The following HDAC9 variants were observed in gnomAD, a reference collection of about 807,000 sequenced individuals.
HDAC9 encodes histone deacetylase 9, also known as MEF-2 interacting transcription repressor (MITR) protein.
HDAC9 carries 41 observed loss-of-function variants against 139.4 expected under a neutral mutation model. The ratio of observed to expected loss-of-function variants is 0.29; its 90% CI spans 0.23 to 0.38. The LOEUF (loss-of-function observed/expected upper bound fraction) is 0.38. Ranked by LOEUF, HDAC9 falls within the 10% of genes least tolerant of loss-of-function variation. The pLI is 1.00. For synonymous variants in HDAC9, 517 were observed against 476.2 expected (o/e 1.09, Z -1.12); for missense variants, 1,147 against 1,297.0 (o/e 0.88, Z 1.78).
At chr7:18,659,272 C>T (rs1240892198) in intron 11 of HDAC9, among the ~76,000 whole-genome samples, 1 of 152,140 alleles carries the variant, frequency 6.6e-6, no homozygotes, top group African/African-American at 2.4e-5. Context: ...ATATAATTTA[C>T]ACAGAGGTGA....
At chr7:18,144,782 G>A (rs996013565) in intron 1 of HDAC9, among the ~76,000 whole-genome samples, 3 of 151,926 alleles carry the variant, frequency 2.0e-5, no homozygotes, top group Non-Finnish European at 4.4e-5. Context: ...CAGTCACTGT[G>A]CTAGCAGTTT....
intron 2 of HDAC9, among the ~76,000 whole-genome samples, chr7:18,198,889 C>G (rs1790909045): frequency 6.6e-6 from 1 of 151,882 alleles, no homozygotes; most frequent in Non-Finnish European, 1.5e-5. Context: ...TCAAATAGAA[C>G]TTATTTTGCC....
chr7:18,231,343 G>C (rs958307060), intron 2 of HDAC9, among the ~76,000 whole-genome samples: 2 of 152,178 alleles, frequency 1.3e-5, no homozygotes, highest in African/African-American at 4.8e-5. Context: ...AGTGGCATCT[G>C]CGTTTCTCCC....
intron 6 of HDAC9, among the ~76,000 whole-genome samples, chr7:18,617,333 C>G (rs1381754891): frequency 6.6e-6 from 1 of 152,136 alleles, no homozygotes; most frequent in Non-Finnish European, 1.5e-5. Flanking sequence ...CTTATTCCCT[C>G]TCTGACCTCT....
intron 6 of HDAC9, among the ~76,000 whole-genome samples, chr7:18,612,003 C>G (rs2128911913): frequency 6.6e-6 from 1 of 152,178 alleles, no homozygotes; most frequent in Non-Finnish European, 1.5e-5. Flanking sequence ...CATAAACAAA[C>G]TTTCAGAACT....
At chr7:18,826,130 T>C (rs888571578) in intron 17 of HDAC9, among the ~76,000 whole-genome samples, 6 of 152,114 alleles carry the variant, frequency 3.9e-5, no homozygotes, top group Admixed American at 3.3e-4. Flanking sequence ...GGAACCCAGA[T>C]TGCATTAGGA....
intron 1 of HDAC9, among the ~76,000 whole-genome samples, chr7:18,377,422 A>G (rs1346329877): frequency 6.6e-6 from 1 of 152,186 alleles, no homozygotes; most frequent in Non-Finnish European, 1.5e-5. Context: ...AATGTTGTCA[A>G]TATTTTTCTA....
chr7:18,320,770 C>T (rs999694905), intron 1 of HDAC9, among the ~76,000 whole-genome samples: 3 of 152,134 alleles, frequency 2.0e-5, no homozygotes, highest in Non-Finnish European at 4.4e-5. Context: ...CCCCCCACCC[C>T]AGTTGTCACA....
chr7:18,591,965 G>A (rs1050188761), intron 5 of HDAC9, among the ~76,000 whole-genome samples: 1 of 152,156 alleles, frequency 6.6e-6, no homozygotes, highest in African/African-American at 2.4e-5. Context: ...TGACAAATGT[G>A]AGGTGGGCAA....
Position 18,104,624 on chromosome 7 carries a change from TC to T in HDAC9, c.-97+17416del, listed in dbSNP as rs370904765. Among the ~76,000 whole-genome samples the T allele has an allele frequency of 8.1e-4, 123 of 152,176 alleles. 2 individuals carry two copies. In the East Asian group the frequency reaches 0.02, roughly 25 times the overall value. ...TATACCATTTCACACTGTTTACTAC[TC>T]CCCCTTTTGGAAATGATCATCCCAG... On this transcript the variant is annotated intron_variant, in intron 1 of 12. Transcript: ENST00000417496.
chr7:18,617,193 C>T lies in HDAC9; in HGVS notation c.665-12157C>T, dbSNP rs147881121. The stretch of plus-strand genomic sequence containing the variant: ...TATTAACCACTGATTCCATCATACT[C>T]CTGTCCAGTCAATCCTTTGACTTTC... On this transcript the variant is annotated intron_variant, in intron 6 of 25. Coordinates refer to ENST00000686413, the MANE Select transcript of HDAC9 (RefSeq NM_178425.4). 3.5e-3 allele frequency among the ~76,000 whole-genome samples: 538 copies of T among 152,194 alleles called. 1 individual carries two copies. The highest frequency in any genetic ancestry group is 0.012 in the African/African-American group (514 of 41,538).
In HDAC9 at chr7:18,490,361, C is replaced by G. The variant is rs185687548; in HGVS notation, c.-41-5901C>G. On this transcript the variant is annotated intron_variant, in intron 1 of 3. Transcript: ENST00000413509. ...TCTAAAAATAGAATAAATCTTGGCTCAACACATCCCATTTGAAGGGAAGAG... is the reference window on the plus strand; with the variant it reads ...TCTAAAAATAGAATAAATCTTGGCTGAACACATCCCATTTGAAGGGAAGAG... 8.4e-3 allele frequency among the ~76,000 whole-genome samples: 1,273 copies of G among 152,122 alleles called. 17 individuals are homozygous for G. Among genetic ancestry groups the G allele is most frequent in the African/African-American group, 0.029 (1,209 of 41,544 alleles).
chr7:18,286,313 T>G (rs562398498), upstream of HDAC9, among the ~76,000 whole-genome samples: 1 of 151,494 alleles, frequency 6.6e-6, no homozygotes, highest in Non-Finnish European at 1.5e-5. Flanking sequence ...CATGGTTCAA[T>G]TAGTCCCTCT....
At chr7:18,850,237 A>G (rs571314809) in intron 21 of HDAC9, among the ~76,000 whole-genome samples, 8 of 152,348 alleles carry the variant, frequency 5.3e-5, no homozygotes, top group Non-Finnish European at 1.0e-4. Context: ...TTCCTTGAAT[A>G]GCACAAAAGC....
intron 19 of HDAC9, among the ~76,000 whole-genome samples, chr7:18,831,315 A>G (rs778933812): frequency 4.6e-5 from 7 of 152,208 alleles, no homozygotes; most frequent in Non-Finnish European, 8.8e-5. Flanking sequence ...ATAAATGGAT[A>G]CTTTGTATTT....
At chr7:18,433,769 G>C (rs1790905749) in intron 1 of HDAC9, among the ~76,000 whole-genome samples, 2 of 152,174 alleles carry the variant, frequency 1.3e-5, no homozygotes, top group Admixed American at 6.5e-5. Context: ...AGAAGTCAGA[G>C]ACAGCACAAA....
chr7:18,180,927 G>A (rs1789371114), intron 2 of HDAC9, among the ~76,000 whole-genome samples: 1 of 152,146 alleles, frequency 6.6e-6, no homozygotes, highest in Admixed American at 6.5e-5. Context: ...GGCATTCTTT[G>A]GTTTGTGACT....
chr7:18,887,280 G>A (rs1341809129), intron 22 of HDAC9, among the ~76,000 whole-genome samples: 1 of 152,184 alleles, frequency 6.6e-6, no homozygotes, highest in South Asian at 2.1e-4. Context: ...GGTCTGGAGA[G>A]GGTACTGCAA....
chr7:18,578,632 A>T (rs1268926984), intron 2 of HDAC9, among the ~76,000 whole-genome samples: 1 of 152,218 alleles, frequency 6.6e-6, no homozygotes, highest in Non-Finnish European at 1.5e-5. Context: ...CAAAGAACAT[A>T]ACCAATAGTA....
Sources: allele counts gnomAD v4.1 joint callset (sites outside exome capture counted in the v4.1 genomes callset), GRCh38; gene constraint gnomAD v4.1.1; transcripts MANE v1.5; gene names NCBI Gene and HGNC (gene_info 2026-07-23, HGNC 2026-07-21).